Variants in NRXN1 observed in about 807,000 individuals in gnomAD.
The protein encoded by NRXN1 is neurexin 1, also known as neurexin-1.
NRXN1 carries 39 observed loss-of-function variants against 150.9 expected under a neutral mutation model. That is an observed-to-expected ratio of 0.26 (90% CI 0.20 to 0.34). NRXN1 has a LOEUF of 0.34. Ranked by LOEUF, NRXN1 falls within the 10% of genes least tolerant of loss-of-function variation. NRXN1 has a pLI of 1.00. For synonymous variants in NRXN1, 924 were observed against 757.0 expected (o/e 1.22, Z -3.62); for missense variants, 1,815 against 1,949.9 (o/e 0.93, Z 1.30).
chr2:50,243,001 AG>A (rs1463853435), intron 17 of NRXN1, among the ~76,000 whole-genome samples: 1 of 151,846 alleles, frequency 6.6e-6, no homozygotes, highest in Non-Finnish European at 1.5e-5. Context: ...AAATAATGAA[AG>A]CTTTATGGAA....
intron 15 of NRXN1, among the ~76,000 whole-genome samples, chr2:50,477,033 T>C (rs1453354073): frequency 6.6e-6 from 1 of 151,976 alleles, no homozygotes; most frequent in Admixed American, 6.6e-5. Flanking sequence ...AAGAAGAAAG[T>C]ATGGGAGACA....
At chr2:50,819,385 T>A (rs559750987) in intron 5 of NRXN1, among the ~76,000 whole-genome samples, 5 of 152,140 alleles carry the variant, frequency 3.3e-5, no homozygotes, top group Admixed American at 6.6e-5. Flanking sequence ...TGCTACAACA[T>A]AAACCTTGAG....
chr2:50,072,345 T>G (rs2152669764), intron 19 of NRXN1, among the ~76,000 whole-genome samples: 1 of 152,260 alleles, frequency 6.6e-6, no homozygotes, highest in South Asian at 2.1e-4. Flanking sequence ...TTACTTATGT[T>G]AATGATTACA....
At chr2:50,739,224 G>C in intron 5 of NRXN1, 1 of 497,474 alleles carries the variant, frequency 2.0e-6, no homozygotes, top group South Asian at 1.5e-5. Flanking sequence ...TCGACCAAGG[G>C]CACTGGGTTC....
intron 5 of NRXN1, among the ~76,000 whole-genome samples, chr2:50,810,302 A>C (rs1668036547): frequency 1.3e-5 from 2 of 152,184 alleles, no homozygotes; most frequent in Non-Finnish European, 2.9e-5. Flanking sequence ...ACTGGCTTCA[A>C]ACCTTTCAAA....
intron 8 of NRXN1, among the ~76,000 whole-genome samples, chr2:50,612,338 C>G (rs976082223): frequency 2.6e-5 from 4 of 152,162 alleles, no homozygotes; most frequent in African/African-American, 9.7e-5. Flanking sequence ...CAAAAAAGGG[C>G]TAGTAAAGAC....
intron 17 of NRXN1, among the ~76,000 whole-genome samples, chr2:50,278,599 G>C (rs1187778613): frequency 1.3e-5 from 2 of 151,714 alleles, no homozygotes. Flanking sequence ...TTTACGATTT[G>C]TTTTAAGCTG....
intron 13 of NRXN1, among the ~76,000 whole-genome samples, chr2:50,504,183 C>G (rs2092105989): frequency 6.8e-6 from 1 of 146,538 alleles, no homozygotes. Flanking sequence ...AGACTGCGCA[C>G]TGTGCTGGAG....
chr2:50,887,827 C>A (rs979658313), intron 5 of NRXN1, among the ~76,000 whole-genome samples: 5 of 151,324 alleles, frequency 3.3e-5, no homozygotes, highest in Admixed American at 3.3e-4. Context: ...CTTTAGTAAT[C>A]ATGCTTTTTA....
chr2:50,922,048 A>G (rs1293483052), intron 4 of NRXN1, among the ~76,000 whole-genome samples, 168 bp from the exon 5 acceptor site: 11 of 151,920 alleles, frequency 7.2e-5, no homozygotes. Flanking sequence ...TGGAGATGCA[A>G]TCAGGACATG....
At chr2:50,040,175 A>G (rs2152577843) in intron 21 of NRXN1, among the ~76,000 whole-genome samples, 1 of 152,202 alleles carries the variant, frequency 6.6e-6, no homozygotes, top group East Asian at 1.9e-4. Context: ...GAGATGAGGA[A>G]AAGAAGAGGG....
chr2:50,623,657 A>G (rs923213545), intron 5 of NRXN1, 42 bp from the exon 6 acceptor site: 2 of 1,436,972 alleles, frequency 1.4e-6, no homozygotes, highest in Non-Finnish European at 9.6e-7. Context: ...AAACAAATAC[A>G]CTATGCAAAT....
rs987183604 is a variant in NRXN1 at position 50,833,807 on chromosome 2, T to TA, written c.832+88061dup. Among the ~76,000 whole-genome samples the TA allele has an allele frequency of 3.9e-5, 6 of 152,140 alleles. 1 individual carries two copies. Among genetic ancestry groups the TA allele is most frequent in the Non-Finnish European group, 7.4e-5 (5 of 68,016 alleles). On this transcript the variant is annotated intron_variant, in intron 5 of 22. Coordinates refer to ENST00000401669, the MANE Select transcript of NRXN1 (RefSeq NM_001330078.2). ...AAGTCAATTTTCTTATATGTTAATT[T>TA]AAAAAAATCTTCTAAGGAAATGCAC...
chr2:50,727,573 T>A (rs1276255345), intron 5 of NRXN1, among the ~76,000 whole-genome samples: 1 of 152,168 alleles, frequency 6.6e-6, no homozygotes, highest in East Asian at 1.9e-4. Flanking sequence ...CTTTATATTT[T>A]AAAAATACAT....
At chr2:50,192,862 G>A (rs887754527) in intron 18 of NRXN1, among the ~76,000 whole-genome samples, 2 of 152,110 alleles carry the variant, frequency 1.3e-5, no homozygotes, top group African/African-American at 2.4e-5. Flanking sequence ...CGCTCCCATC[G>A]GCAGGCTGGG....
chr2:50,676,890 CATTG>C, intron 5 of NRXN1, among the ~76,000 whole-genome samples: 1 of 152,242 alleles, frequency 6.6e-6, no homozygotes, highest in African/African-American at 2.4e-5. Flanking sequence ...ACACATAAAA[CATTG>C]ATTAATCATT....
chr2:50,225,296 T>C (rs1442132138), intron 18 of NRXN1, among the ~76,000 whole-genome samples: 2 of 151,800 alleles, frequency 1.3e-5, no homozygotes, highest in Non-Finnish European at 2.9e-5. Context: ...TTCACTTATT[T>C]CTCCATTCAC....
intron 5 of NRXN1, among the ~76,000 whole-genome samples, chr2:50,787,018 G>A (rs1020332751): frequency 2.0e-5 from 3 of 152,138 alleles, no homozygotes; most frequent in Non-Finnish European, 4.4e-5. Flanking sequence ...GCTGTAGCTT[G>A]CATTGCTGTT....
chr2:50,593,560 C>T (rs1425932682), intron 8 of NRXN1, among the ~76,000 whole-genome samples: 1 of 152,138 alleles, frequency 6.6e-6, no homozygotes, highest in Non-Finnish European at 1.5e-5. Flanking sequence ...ATCAAATAGA[C>T]TGAAATGCAA....
Sources: allele counts gnomAD v4.1 joint callset (sites outside exome capture counted in the v4.1 genomes callset), GRCh38; gene constraint gnomAD v4.1.1; transcripts MANE v1.5; gene names NCBI Gene and HGNC (gene_info 2026-07-23, HGNC 2026-07-21).